ECT2L: variants seen among roughly 807,000 people sequenced by gnomAD.
The protein encoded by ECT2L is epithelial cell transforming 2 like, also known as epithelial cell-transforming sequence 2 oncogene-like.
A neutral mutation model predicts 122.8 loss-of-function variants in ECT2L; 126 were observed. That is an observed-to-expected ratio of 1.03 (90% CI 0.89 to 1.19). ECT2L has a LOEUF of 1.19. ECT2L is among the 50% of genes most tolerant of loss of function. The probability of loss-of-function intolerance (pLI) is 0.00; values close to 1 mark genes in which losing one functional copy is unlikely to be tolerated. For missense variants in ECT2L, 1,012 were observed against 1,064.1 expected (o/e 0.95, Z 0.68); for synonymous variants, 385 against 381.8 (o/e 1.01, Z -0.10).
At chr6:138,872,135 T>C (rs1048558626) in intron 13 of ECT2L, among the ~76,000 whole-genome samples, 1 of 152,130 alleles carries the variant, frequency 6.6e-6, no homozygotes, top group African/African-American at 2.4e-5. Context: ...CCACCACGCC[T>C]GGCCATCCCA....
chr6:138,843,771 C>T lies in ECT2L; in HGVS notation c.595+540C>T, dbSNP rs544344622. Among the ~76,000 whole-genome samples the T allele has an allele frequency of 7.2e-5, 11 of 152,292 alleles. No homozygotes were observed. The South Asian group carries it at 1.2e-3, about 17-fold the overall frequency. On this transcript the variant is annotated intron_variant, in intron 6 of 21. Transcript: ENST00000541398. ...TAGTATGATCTCTGGCTCACTGCAG[C>T]CTCGATTTCTGAGGCTCAAGTGATC...
At chr6:138,894,492 T>C (rs10499203) in intron 20 of ECT2L, among the ~76,000 whole-genome samples, 10,681 of 152,236 alleles carry the variant, frequency 0.07, 701 homozygotes, top group East Asian at 0.21. Context: ...TATGCTCTAA[T>C]TGTGAGGTAC....
At chr6:138,876,788 C>G (rs191777214) in intron 14 of ECT2L, among the ~76,000 whole-genome samples, 1 of 152,118 alleles carries the variant, frequency 6.6e-6, no homozygotes, top group African/African-American at 2.4e-5. Context: ...CATCTTGGAG[C>G]AAAACCAATC....
At chr6:138,850,988 C>T (rs1270504879) in intron 9 of ECT2L, among the ~76,000 whole-genome samples, 1 of 70,740 alleles carries the variant, frequency 1.4e-5, no homozygotes, top group Non-Finnish European at 2.4e-5. Flanking sequence ...GAGCGAAACT[C>T]CATCTCAAAA....
At chr6:138,844,374 G>A (rs748066842) in intron 6 of ECT2L, 38 bp from the exon 7 acceptor site, 1 of 1,602,270 alleles carries the variant, frequency 6.2e-7, no homozygotes, top group Non-Finnish European at 8.5e-7. Flanking sequence ...GGAGAAGTAT[G>A]AAGTAATCAG....
intron 4 of ECT2L, among the ~76,000 whole-genome samples, chr6:138,825,466 C>T (rs1776414381): frequency 6.6e-6 from 1 of 152,018 alleles, no homozygotes; most frequent in Non-Finnish European, 1.5e-5. Context: ...ACCTGTAATC[C>T]CAGCTGCTGG....
intron 1 of ECT2L, among the ~76,000 whole-genome samples, chr6:138,808,177 T>C (rs972939877): frequency 6.6e-6 from 1 of 152,240 alleles, no homozygotes; most frequent in Non-Finnish European, 1.5e-5. Context: ...AATTTTTATC[T>C]GGATAAAATT....
At chr6:138,886,167 T>C (rs1412939015) in intron 18 of ECT2L, among the ~76,000 whole-genome samples, 1 of 152,076 alleles carries the variant, frequency 6.6e-6, no homozygotes, top group East Asian at 1.9e-4. Flanking sequence ...GTACTTTCAA[T>C]GCATTAATTA....
chr6:138,800,663 G>A (rs1219298413), intron 1 of ECT2L, among the ~76,000 whole-genome samples: 1 of 152,142 alleles, frequency 6.6e-6, no homozygotes, highest in Non-Finnish European at 1.5e-5. Flanking sequence ...TTGATAAGTT[G>A]TCACAGTTGT....
chr6:138,888,697 C>T (rs997240024), intron 19 of ECT2L, among the ~76,000 whole-genome samples: 4 of 152,154 alleles, frequency 2.6e-5, no homozygotes, highest in African/African-American at 9.7e-5. Flanking sequence ...ACAAATAAAA[C>T]TATCATGTCA....
intron 4 of ECT2L, among the ~76,000 whole-genome samples, chr6:138,830,778 C>T (rs1776624338): frequency 6.6e-6 from 1 of 152,146 alleles, no homozygotes; most frequent in Admixed American, 6.5e-5. Flanking sequence ...CTCTACATGT[C>T]GTTAAATGTG....
At position 138,851,013 on chromosome 6, in the gene ECT2L, A is replaced by AAAAAAAAG. The variant is rs1562474224; in HGVS notation, c.1069+1586_1069+1587insGAAAAAAA. Among the ~76,000 whole-genome samples the AAAAAAAAG allele has an allele frequency of 1.1e-4, 16 of 148,336 alleles. 1 individual carries two copies. The highest frequency in any genetic ancestry group is 4.1e-4 in the African/African-American group (16 of 38,830). On this transcript the variant is annotated intron_variant, in intron 9 of 21. Transcript: ENST00000541398. ...CCATCTCAAAAAAAAAAAAAAAAAAAAAAAAAAAAAGAGAAAGAGAGAAAG... is the reference window on the plus strand; with the variant it reads ...CCATCTCAAAAAAAAAAAAAAAAAAAAAAAAAAGAAAAAAAAAAGAGAAAGAGAGAAAG...
At chr6:138,839,130 T>A (rs1011957402) in intron 5 of ECT2L, among the ~76,000 whole-genome samples, 1 of 152,314 alleles carries the variant, frequency 6.6e-6, no homozygotes, top group South Asian at 2.1e-4. Context: ...AGATTTTGTA[T>A]ATTATCTCTG....
chr6:138,810,036 C>A (rs12208265), intron 1 of ECT2L, among the ~76,000 whole-genome samples: 3,192 of 152,232 alleles, frequency 0.021, 37 homozygotes, highest in Middle Eastern at 0.037. Context: ...ACCTAATGAG[C>A]TCGTACTTTA....
intron 12 of ECT2L, among the ~76,000 whole-genome samples, chr6:138,867,714 A>G (rs1020769305): frequency 3.6e-4 from 55 of 151,676 alleles, no homozygotes; most frequent in East Asian, 9.7e-4. Context: ...CTGTAATCCT[A>G]GCTACTCAGG....
At chr6:138,822,107 G>A (rs900935129) in intron 4 of ECT2L, among the ~76,000 whole-genome samples, 4 of 152,338 alleles carry the variant, frequency 2.6e-5, no homozygotes, top group Admixed American at 6.5e-5. Context: ...AATACAAGCA[G>A]TGATTTGCTT....
At position 138,839,282 on chromosome 6, in the gene ECT2L, C is replaced by T. The variant is rs558795515; in HGVS notation, c.342+768C>T. On this transcript the variant is annotated intron_variant, in intron 5 of 21. Coordinates refer to ENST00000541398, the MANE Select transcript of ECT2L (RefSeq NM_001077706.3). Reference sequence around the variant, plus strand: ...AGCAGCAGCTGTTTAAAATCAACATCTTTTGCCATTAATTCTGCCTCTGGC... The same window carrying T: ...AGCAGCAGCTGTTTAAAATCAACATTTTTTGCCATTAATTCTGCCTCTGGC... Among the ~76,000 whole-genome samples the T allele has an allele frequency of 1.6e-4, 25 of 152,208 alleles. No individual in the cohort carries two copies. In the South Asian group the frequency reaches 5.0e-3, roughly 30 times the overall value.
Position 138,843,033 on chromosome 6 carries a change from C to T in ECT2L, c.397C>T (p.Pro133Ser), listed in dbSNP as rs1023611673. Reference sequence around the variant, plus strand: ...GTTCGGATGGTTTCTGCCCTATACTCCAACAGATAATGAGTATGGTGCTTG... The same window carrying T: ...GTTCGGATGGTTTCTGCCCTATACTTCAACAGATAATGAGTATGGTGCTTG... ...VKFGWFLPYT[P>S]TDNEYGAWKR... Residue 133 changes from proline (P) to serine (S), a missense_variant, in exon 6 of 22, where the codon CCA (proline) becomes TCA (serine). Coordinates refer to ENST00000541398, the MANE Select transcript of ECT2L (RefSeq NM_001077706.3). 1 of 1,611,186 alleles carries T rather than the reference C, an allele frequency of 6.2e-7. No homozygotes were observed. The highest frequency in any genetic ancestry group is 1.3e-5 in the African/African-American group (1 of 74,884).
chr6:138,899,439 T>TTGTG (rs60379586), intron 20 of ECT2L, among the ~76,000 whole-genome samples: 200 of 149,528 alleles, frequency 1.3e-3, no homozygotes, highest in South Asian at 2.7e-3. Flanking sequence ...TGTACATAGA[T>TTGTG]TGTGTGTGTG....
Sources: allele counts gnomAD v4.1 joint callset (sites outside exome capture counted in the v4.1 genomes callset), GRCh38; gene constraint gnomAD v4.1.1; transcripts MANE v1.5; gene names NCBI Gene and HGNC (gene_info 2026-07-23, HGNC 2026-07-21).